SSH2: variants seen among roughly 807,000 people sequenced by gnomAD.
The protein encoded by SSH2 is protein phosphatase Slingshot homolog 2.
SSH2 carries 37 observed loss-of-function variants against 135.2 expected under a neutral mutation model. That is an observed-to-expected ratio of 0.27 (90% CI 0.21 to 0.36). The LOEUF (loss-of-function observed/expected upper bound fraction) is 0.36, where lower values mean the gene tolerates loss of function less well. SSH2 is among the 10% of genes least tolerant of loss of function. The pLI, the probability that SSH2 is intolerant of heterozygous loss-of-function variation, is 1.00. For synonymous variants in SSH2, 628 were observed against 646.2 expected (o/e 0.97, Z 0.43); for missense variants, 1,408 against 1,765.3 (o/e 0.80, Z 3.63).
intron 3 of SSH2, among the ~76,000 whole-genome samples, chr17:29,741,850 G>A (rs1421284502): frequency 6.6e-6 from 1 of 151,342 alleles, no homozygotes; most frequent in African/African-American, 2.4e-5. Flanking sequence ...TCCTGACCTC[G>A]TGATCTGCCC....
At position 29,631,154 on chromosome 17, in the gene SSH2, G is replaced by T. The variant is rs148485160; in HGVS notation, c.4040C>A (p.Thr1347Asn). The T allele has an allele frequency of 4.5e-5, 72 of 1,614,194 alleles. No homozygotes were observed. In the African/African-American group the frequency reaches 7.9e-4, roughly 18 times the overall value. ...TGTGAGTTGTTCTACAAAAGACTTG[G>T]TGGGCTCTGGGTTGTGGGGGGCACC... ...NPGAPHNPEP[T>N]KSFVEQLTTT... The change falls in exon 16 of 16, where the codon ACC becomes AAC. Residue 1347 changes from threonine (T) to asparagine (N), a missense_variant. Around this residue, in one of 3 missense-constraint regions of SSH2, gnomAD observed 1,080 missense variants for 1,144.5 expected, o/e 0.94. Coordinates refer to ENST00000540801, the MANE Select transcript of SSH2 (RefSeq NM_001282129.2).
At chr17:29,820,391 C>T (rs1399247790) in intron 2 of SSH2, among the ~76,000 whole-genome samples, 1 of 152,160 alleles carries the variant, frequency 6.6e-6, no homozygotes, top group Non-Finnish European at 1.5e-5. Context: ...GGGACATGTC[C>T]ATTCATTCAA....
intron 1 of SSH2, among the ~76,000 whole-genome samples, chr17:29,885,891 TC>T (rs1210710536): frequency 6.6e-6 from 1 of 152,196 alleles, no homozygotes; most frequent in Non-Finnish European, 1.5e-5. Context: ...TTGTGAGGCC[TC>T]CCCAGCCATG....
intron 11 of SSH2, among the ~76,000 whole-genome samples, chr17:29,660,142 A>G (rs1327865106): frequency 6.6e-6 from 1 of 151,804 alleles, no homozygotes; most frequent in Non-Finnish European, 1.5e-5. Flanking sequence ...CAGACATTTT[A>G]TAATAAGAGT....
intron 3 of SSH2, chr17:29,716,514 CATGGTA>C: frequency 1.4e-6 from 1 of 718,046 alleles, no homozygotes; most frequent in Admixed American, 1.8e-5. Context: ...TCAGTTCTGC[CATGGTA>C]ACACTTGTGG....
At chr17:29,651,819 T>C (rs2036587477) in intron 12 of SSH2, among the ~76,000 whole-genome samples, 1 of 151,970 alleles carries the variant, frequency 6.6e-6, no homozygotes, top group Non-Finnish European at 1.5e-5. Context: ...CAAAGCCCAT[T>C]ACTACAAATT....
At chr17:29,870,109 AT>A (rs1019845290) in intron 1 of SSH2, among the ~76,000 whole-genome samples, 36 of 152,218 alleles carry the variant, frequency 2.4e-4, no homozygotes, top group African/African-American at 7.9e-4. Flanking sequence ...ATTATGTTAA[AT>A]GACATTTTCC....
chr17:29,797,841 T>TCA (rs530355135), intron 2 of SSH2, among the ~76,000 whole-genome samples: 7 of 152,152 alleles, frequency 4.6e-5, no homozygotes, highest in Non-Finnish European at 1.0e-4. Flanking sequence ...TGAGCTATGA[T>TCA]CACGCCACTG....
At chr17:29,818,858 C>T (rs1358563547) in intron 2 of SSH2, among the ~76,000 whole-genome samples, 1 of 150,934 alleles carries the variant, frequency 6.6e-6, no homozygotes, top group Non-Finnish European at 1.5e-5. Flanking sequence ...AAGGCTGAGA[C>T]GGAAGGACTG....
chr17:29,735,524 C>G (rs2040334465), intron 3 of SSH2, among the ~76,000 whole-genome samples: 1 of 151,722 alleles, frequency 6.6e-6, no homozygotes, highest in Non-Finnish European at 1.5e-5. Flanking sequence ...TGGTGAAACC[C>G]CATCTCTACT....
intron 3 of SSH2, among the ~76,000 whole-genome samples, chr17:29,726,974 C>T (rs958867761): frequency 2.0e-5 from 3 of 152,234 alleles, no homozygotes; most frequent in Non-Finnish European, 4.4e-5. Flanking sequence ...GCCAATCATC[C>T]TGGACAAGCC....
At chr17:29,925,796 A>T (rs1471621527) in intron 1 of SSH2, among the ~76,000 whole-genome samples, 1 of 152,180 alleles carries the variant, frequency 6.6e-6, no homozygotes, top group Non-Finnish European at 1.5e-5. Flanking sequence ...GTGAAGTGAT[A>T]GATGTTAATT....
At chr17:29,659,960 A>G (rs1408833986) in intron 11 of SSH2, among the ~76,000 whole-genome samples, 1 of 152,032 alleles carries the variant, frequency 6.6e-6, no homozygotes, top group Non-Finnish European at 1.5e-5. Flanking sequence ...CCTCCCGAGT[A>G]GCTGGGATTA....
At chr17:29,849,478 C>CAAAA (rs36026122) in intron 1 of SSH2, among the ~76,000 whole-genome samples, 4 of 48,334 alleles carry the variant, frequency 8.3e-5, no homozygotes, top group Non-Finnish European at 1.4e-4. Flanking sequence ...GACTCCGTCT[C>CAAAA]AAAAAAAAAA....
At position 29,667,272 on chromosome 17, in the gene SSH2, G is replaced by A. The variant is rs747077547; in HGVS notation, c.810-49C>T. On this transcript the variant is annotated intron_variant, in intron 9 of 15. Transcript: ENST00000540801. Reference sequence around the variant, plus strand: ...ATTCTTAAACGATATTCTTAATAACGATTATTCTTAAATGGGAAAGAAAGA... The same window carrying A: ...ATTCTTAAACGATATTCTTAATAACAATTATTCTTAAATGGGAAAGAAAGA... 1.4e-5 allele frequency: 17 copies of A among 1,228,724 alleles called. No homozygotes were observed. In the Admixed American group the frequency reaches 1.9e-4, roughly 14 times the overall value. The allele number at this position is 1,228,724 out of a possible 1,614,324, so 76.1% of individuals were successfully genotyped here.
chr17:29,823,571 C>T (rs930276165), intron 2 of SSH2, among the ~76,000 whole-genome samples: 1 of 152,110 alleles, frequency 6.6e-6, no homozygotes, highest in Non-Finnish European at 1.5e-5. Flanking sequence ...CCTCCTAACC[C>T]ACTTGGGCAC....
intron 14 of SSH2, chr17:29,643,413 C>CT (rs34985622): frequency 0.01 from 1,912 of 182,390 alleles, no homozygotes; most frequent in South Asian, 0.016. Context: ...TGTGAATACG[C>CT]TTTTTTTTTT....
At chr17:29,677,652 A>G in intron 7 of SSH2, 21 bp downstream of exon 7, 1 of 1,609,566 alleles carries the variant, frequency 6.2e-7, no homozygotes, top group Non-Finnish European at 8.5e-7. Context: ...CTGTAACAGA[A>G]TAAAAAAGGA....
chr17:29,779,091 T>C (rs1258052265), intron 3 of SSH2, among the ~76,000 whole-genome samples: 25 of 151,876 alleles, frequency 1.6e-4, no homozygotes, highest in Admixed American at 1.6e-3. Flanking sequence ...ATACCTAATT[T>C]TTTTTCTAAC....
Sources: allele counts gnomAD v4.1 joint callset (sites outside exome capture counted in the v4.1 genomes callset), GRCh38; gene constraint gnomAD v4.1.1; regional missense constraint gnomAD v4.1.1; transcripts MANE v1.5; gene names NCBI Gene and HGNC (gene_info 2026-07-23, HGNC 2026-07-21).